ZKSCAN2: variants seen among roughly 807,000 people sequenced by gnomAD.
ZKSCAN2 encodes zinc finger with KRAB and SCAN domains 2.
Under a neutral mutation model 90.5 loss-of-function variants are expected in ZKSCAN2, and 38 were observed. The observed-to-expected ratio is 0.42, with a 90% CI of 0.32 to 0.55. ZKSCAN2 has a LOEUF of 0.55. Among genes scored for constraint, ZKSCAN2 ranks in the 20% least tolerant of loss-of-function variants. The probability of loss-of-function intolerance (pLI) is 0.11; values close to 1 mark genes in which losing one functional copy is unlikely to be tolerated. For missense variants in ZKSCAN2, 1,167 were observed against 1,202.6 expected, an observed-to-expected ratio of 0.97 and a Z score of 0.44; for synonymous variants, 429 against 421.6, an observed-to-expected ratio of 1.02 and a Z score of -0.22.
intron 4 of ZKSCAN2, 38 bp from the exon 5 acceptor site, chr16:25,247,428 A>C: frequency 6.5e-7 from 1 of 1,540,584 alleles, no homozygotes; most frequent in South Asian, 1.2e-5. Context: ...TAGACATAGA[A>C]GTCATTACTG....
chr16:25,252,131 C>A (rs1243015388), intron 3 of ZKSCAN2, 96 bp from the exon 4 acceptor site: 8 of 1,421,012 alleles, frequency 5.6e-6, no homozygotes, highest in South Asian at 1.4e-5. Flanking sequence ...CCCTAAAGAA[C>A]TGAAATCAAG....
chr16:25,257,244 C>G lies in ZKSCAN2; in HGVS notation c.-117G>C, dbSNP rs1054606836. 12 of 1,494,006 alleles carry G rather than the reference C, an allele frequency of 8.0e-6. No homozygotes were observed. Among genetic ancestry groups the G allele is most frequent in the Non-Finnish European group, 1.1e-5 (12 of 1,129,496 alleles). The allele number at this position is 1,494,006 out of a possible 1,614,324, so 92.5% of individuals were successfully genotyped here. On this transcript the variant is annotated 5_prime_UTR_variant, in exon 1 of 7. Coordinates refer to ENST00000328086, the MANE Select transcript of ZKSCAN2 (RefSeq NM_001012981.5). Reference sequence around the variant, plus strand: ...GATAAGGTACGGAGGTAAAAACGGCCAGGTCGGCAGGAACAGGGTATTCCA... The same window carrying G: ...GATAAGGTACGGAGGTAAAAACGGCGAGGTCGGCAGGAACAGGGTATTCCA...
intron 5 of ZKSCAN2, among the ~76,000 whole-genome samples, chr16:25,244,973 A>C (rs1962911679): frequency 6.6e-6 from 1 of 152,210 alleles, no homozygotes; most frequent in Non-Finnish European, 1.5e-5. Flanking sequence ...CTATCTTACT[A>C]GGTGGTTTCT....
intron 4 of ZKSCAN2, among the ~76,000 whole-genome samples, chr16:25,248,007 T>C (rs1204338530): frequency 1.3e-5 from 2 of 152,168 alleles, no homozygotes; most frequent in East Asian, 3.8e-4. Context: ...GAAAAGATCA[T>C]CTTTTCAACA....
Position 25,257,281 on chromosome 16 carries a change from C to A in ZKSCAN2, c.-154G>T. The A allele has an allele frequency of 6.9e-7, 1 of 1,458,850 alleles. No homozygotes were observed. Among genetic ancestry groups the A allele is most frequent in the Admixed American group, 2.7e-5 (1 of 37,626 alleles). The allele number at this position is 1,458,850 out of a possible 1,614,324, so 90.4% of individuals were successfully genotyped here. A position where few individuals can be genotyped will look rare whatever the true frequency, so the allele number is the denominator to read the frequency against. ...AACAGGGTATTCCAGGCTGATTAAT[C>A]AAATCTATGCCAGGCCCTTGAAAAG... is the stretch of plus-strand genomic sequence containing the variant. On this transcript the variant is annotated 5_prime_UTR_variant, in exon 1 of 7. Coordinates refer to ENST00000328086, the MANE Select transcript of ZKSCAN2 (RefSeq NM_001012981.5).
chr16:25,249,590 G>A (rs1962988334), intron 4 of ZKSCAN2, among the ~76,000 whole-genome samples: 1 of 151,998 alleles, frequency 6.6e-6, no homozygotes, highest in East Asian at 1.9e-4. Context: ...CCTAGGTGAT[G>A]GATTTGTTAA....
At chr16:25,256,685 T>C in intron 1 of ZKSCAN2, 44 bp downstream of exon 1, 1 of 1,565,462 alleles carries the variant, frequency 6.4e-7, no homozygotes, top group African/African-American at 1.4e-5. Flanking sequence ...GCCTTTCCCA[T>C]TCCCTTTTTT....
chr16:25,257,351 A>C lies in ZKSCAN2; in HGVS notation c.-224T>G. ...TGCAAAAGCCTGGCCTCTTCTCCAA[A>C]CAAGATGTGACCGCGCAATGTGGTT... On this transcript the variant is annotated 5_prime_UTR_variant, in exon 1 of 7. Transcript: ENST00000328086. 3 of 1,279,912 alleles carry C rather than the reference A, an allele frequency of 2.3e-6. No homozygotes were observed. The highest frequency in any genetic ancestry group is 3.0e-6 in the Non-Finnish European group (3 of 1,015,572). The allele number at this position is 1,279,912 out of a possible 1,614,324, so 79.3% of individuals were successfully genotyped here. A position where few individuals can be genotyped will look rare whatever the true frequency, so the allele number is the denominator to read the frequency against.
chr16:25,257,077 T>C lies in ZKSCAN2; in HGVS notation c.51A>G (p.Gly17=), dbSNP rs1443034472. The C allele has an allele frequency of 4.3e-6, 7 of 1,613,452 alleles. No individual in the cohort carries two copies. The highest frequency in any genetic ancestry group is 3.4e-6 in the Non-Finnish European group (4 of 1,179,726). The change falls in exon 1 of 7, where the codon GGA becomes GGG. Residue 17 remains glycine (G), a synonymous_variant. Coordinates refer to ENST00000328086, the MANE Select transcript of ZKSCAN2 (RefSeq NM_001012981.5). ...SQIDAPLEVE[G]CLIMKVEKDP... ...CCTTTTCCACCTTCATTATTAGGCA[T>C]CCCTCAACCTCCAGGGGCGCGTCGA...
rs777337504 is a variant in ZKSCAN2, at chr16:25,240,610, G to C, written c.2110C>G (p.Arg704Gly). The change falls in exon 7 of 7, where the codon CGC becomes GGC. Residue 704 changes from arginine (R) to glycine (G), a missense_variant. Arg to Gly is a moderately radical substitution (Grantham distance 125). Transcript: ENST00000328086. ...CTTCCTGAGATGCATTCCCTTTTGC[G>C]ATATTTGCTGGGGTCGGTACTCTGG... ...VSQSTDPSKY[R>G]KRECISGRQW... 102 of 1,613,968 alleles carry C rather than the reference G, an allele frequency of 6.3e-5. No homozygotes were observed. The highest frequency in any genetic ancestry group is 8.1e-5 in the Non-Finnish European group (96 of 1,180,022).
In ZKSCAN2 at chr16:25,239,958, C is replaced by T. The variant is rs1265187933; in HGVS notation, c.2762G>A (p.Gly921Asp). ...AACAGAACTCTTACTGAAACGTTTGCCACACTGGGCACATCCATAGGGCTT... is the reference window on the plus strand; with the variant it reads ...AACAGAACTCTTACTGAAACGTTTGTCACACTGGGCACATCCATAGGGCTT... ...GEKPYGCAQCGKRFSKSSVLT... is the reference protein window; with the variant it reads ...GEKPYGCAQCDKRFSKSSVLT... Residue 921 changes from glycine to aspartate, a missense_variant, in exon 7 of 7, where the codon GGC (glycine) becomes GAC (aspartate). By Grantham distance (94) the Gly-to-Asp change is moderately conservative. Coordinates refer to ENST00000328086, the MANE Select transcript of ZKSCAN2 (RefSeq NM_001012981.5). The T allele has an allele frequency of 1.9e-6, 3 of 1,614,160 alleles. No homozygotes were observed. Among genetic ancestry groups the T allele is most frequent in the South Asian group, 1.1e-5 (1 of 91,088 alleles).
Position 25,243,990 on chromosome 16 carries a change from G to T in ZKSCAN2, c.1776C>A (p.Pro592=). The change falls in exon 6 of 7, where the codon CCC becomes CCA. Residue 592 remains proline, a synonymous_variant. Coordinates refer to ENST00000328086, the MANE Select transcript of ZKSCAN2 (RefSeq NM_001012981.5). ...GTGATGGGACTTCCTCTGGGGTGCTGGGGGAAGGAGCAGATGCCCGAGAGT... is the reference window on the plus strand; with the variant it reads ...GTGATGGGACTTCCTCTGGGGTGCTTGGGGAAGGAGCAGATGCCCGAGAGT... The part of the protein sequence containing the change: ...LINSRASAPS[P]STPEEVPSPS... The T allele has an allele frequency of 6.2e-7, 1 of 1,614,174 alleles. No individual in the cohort carries two copies. Among genetic ancestry groups the T allele is most frequent in the Non-Finnish European group, 8.5e-7 (1 of 1,180,028 alleles).
In ZKSCAN2 at chr16:25,252,987, C is replaced by T; in HGVS notation, c.637G>A (p.Asp213Asn). 1 of 1,614,072 alleles carries T rather than the reference C, an allele frequency of 6.2e-7. No individual in the cohort carries two copies. The highest frequency in any genetic ancestry group is 8.5e-7 in the Non-Finnish European group (1 of 1,179,988). The change falls in exon 3 of 7, where the codon GAT (aspartate) becomes AAT (asparagine). Residue 213 changes from aspartate to asparagine, a missense_variant. Asp to Asn is a conservative substitution (Grantham distance 23). Transcript: ENST00000328086. ...AGCCGTGTGGTTGTCACTTCCTGAT[C>T]TAGGGTATTCCATTCATCAGCAAGG... ...PALADEWNTLDQEVTTTRLPA... is the reference protein window; with the variant it reads ...PALADEWNTLNQEVTTTRLPA...
chr16:25,256,968 C>G lies in ZKSCAN2; in HGVS notation c.160G>C (p.Glu54Gln). 3.1e-6 allele frequency: 5 copies of G among 1,614,234 alleles called. No homozygotes were observed. Among genetic ancestry groups the G allele is most frequent in the African/African-American group, 1.3e-5 (1 of 75,054 alleles). The change falls in exon 1 of 7, where the codon GAG becomes CAG. Residue 54 changes from glutamate (E) to glutamine (Q), a missense_variant. Physicochemically the swap from Glu to Gln is conservative, Grantham distance 29. Coordinates refer to ENST00000328086, the MANE Select transcript of ZKSCAN2 (RefSeq NM_001012981.5). The stretch of plus-strand genomic sequence containing the variant: ...GCTTCATGGGGTCCAGTCACATCCT[C>G]ATAACAGAATTGCCTGAAGCATTTG... ...FRKCFRQFCYEDVTGPHEAFS... is the reference protein window; with the variant it reads ...FRKCFRQFCYQDVTGPHEAFS...
At position 25,238,229 on chromosome 16, in the gene ZKSCAN2, A is replaced by G. The variant is rs1962797997; in HGVS notation, c.*1587T>C. 6.6e-6 allele frequency: 1 copy of G among 152,300 alleles called. No homozygotes were observed. The highest frequency in any genetic ancestry group is 6.5e-5 in the Admixed American group (1 of 15,286). The allele number at this position is 152,300 out of a possible 1,614,324, so 9.4% of individuals were successfully genotyped here. A position where few individuals can be genotyped will look rare whatever the true frequency, so the allele number is the denominator to read the frequency against. ...TCAAATAAGAGCATTTGACAAAGAA[A>G]GGGAGAGAGAAGAGCAAAATAATCA... On this transcript the variant is annotated 3_prime_UTR_variant, in exon 7 of 7. Coordinates refer to ENST00000328086, the MANE Select transcript of ZKSCAN2 (RefSeq NM_001012981.5).
Position 25,252,959 on chromosome 16 carries a change from G to A in ZKSCAN2, c.665C>T (p.Pro222Leu). The A allele has an allele frequency of 6.2e-7, 1 of 1,613,766 alleles. No individual in the cohort carries two copies. Among genetic ancestry groups the A allele is most frequent in the South Asian group, 1.1e-5 (1 of 91,062 alleles). The change falls in exon 3 of 7, where the codon CCT (proline) becomes CTT (leucine). Residue 222 changes from proline (P) to leucine (L), a missense_variant. Pro to Leu is a moderately conservative substitution (Grantham distance 98, BLOSUM62 -3). Coordinates refer to ENST00000328086, the MANE Select transcript of ZKSCAN2 (RefSeq NM_001012981.5). ...ATTACAATGTACCTGGGACCCAGCA[G>A]GAAGCCGTGTGGTTGTCACTTCCTG... ...LDQEVTTTRL[P>L]AGSQEPVKDV... is the part of the protein sequence containing the mutation.
chr16:25,246,638 T>G, intron 5 of ZKSCAN2, 69 bp downstream of exon 5: 1 of 1,573,018 alleles, frequency 6.4e-7, no homozygotes, highest in Non-Finnish European at 8.7e-7. Context: ...TGGCCACTTC[T>G]GGTCTACTCC....
At chr16:25,241,350 C>CTGGACAGAGAGCATGACATGG (rs1374523195) in intron 6 of ZKSCAN2, among the ~76,000 whole-genome samples, 1 of 152,202 alleles carries the variant, frequency 6.6e-6, no homozygotes, top group African/African-American at 2.4e-5. Context: ...GTTAAGTTTT[C>CTGGACAGAGAGCATGACATGG]TGGACAGAGA....
In ZKSCAN2 at chr16:25,237,309, G is replaced by A. The variant is rs1444394777; in HGVS notation, c.*2507C>T. 6 of 152,112 alleles carry A rather than the reference G, an allele frequency of 3.9e-5. No individual in the cohort carries two copies. The highest frequency in any genetic ancestry group is 2.6e-4 in the Admixed American group (4 of 15,272). The allele number at this position is 152,112 out of a possible 1,614,324, so 9.4% of individuals were successfully genotyped here. On this transcript the variant is annotated 3_prime_UTR_variant, in exon 7 of 7. Coordinates refer to ENST00000328086, the MANE Select transcript of ZKSCAN2 (RefSeq NM_001012981.5). The stretch of plus-strand genomic sequence containing the variant: ...GGGGGGGAGACCTTCCATTTCTTCA[G>A]AACAAAGTTCATCAAATTAATGTAA...
Sources: allele counts gnomAD v4.1 joint callset (sites outside exome capture counted in the v4.1 genomes callset), GRCh38; gene constraint gnomAD v4.1.1; transcripts MANE v1.5; gene names NCBI Gene and HGNC (gene_info 2026-07-23, HGNC 2026-07-21).